TBC1D9: variants seen among roughly 807,000 people sequenced by gnomAD.
TBC1D9 encodes the protein TBC1 domain family member 9.
In TBC1D9, 63 loss-of-function variants were observed where a neutral mutation model predicts 132.0. The ratio of observed to expected loss-of-function variants is 0.48; its 90% CI spans 0.39 to 0.59. The LOEUF is 0.59. Ranked by LOEUF, TBC1D9 falls within the 20% of genes least tolerant of loss-of-function variation. The pLI, the probability that TBC1D9 is intolerant of heterozygous loss-of-function variation, is 0.00. For synonymous variants in TBC1D9, 610 were observed against 609.9 expected (o/e 1.00, Z 0.00); for missense variants, 1,261 against 1,592.7 (o/e 0.79, Z 3.54).
chr4:140,731,557 C>T (rs896933766), intron 1 of TBC1D9, among the ~76,000 whole-genome samples: 3 of 151,992 alleles, frequency 2.0e-5, no homozygotes, highest in African/African-American at 4.8e-5. Flanking sequence ...TCTAGAACCA[C>T]CAAAATGATT....
intron 16 of TBC1D9, among the ~76,000 whole-genome samples, chr4:140,628,961 C>A (rs1736752651): frequency 6.6e-6 from 1 of 152,124 alleles, no homozygotes; most frequent in African/African-American, 2.4e-5. Context: ...CCTCAAAGTC[C>A]ATATTTATTG....
At chr4:140,751,136 C>T (rs573223711) in intron 1 of TBC1D9, among the ~76,000 whole-genome samples, 101 of 152,190 alleles carry the variant, frequency 6.6e-4, no homozygotes, top group Non-Finnish European at 1.3e-3. Flanking sequence ...GATAAAAGTA[C>T]AGTACACAAT....
At chr4:140,657,880 C>T in intron 11 of TBC1D9, 68 bp from the exon 12 acceptor site, 1 of 1,518,630 alleles carries the variant, frequency 6.6e-7, no homozygotes, top group Non-Finnish European at 8.9e-7. Flanking sequence ...AGAATCCATT[C>T]AAACAACTTG....
chr4:140,643,455 T>C, intron 13 of TBC1D9: 3 of 918,766 alleles, frequency 3.3e-6, no homozygotes, highest in Non-Finnish European at 5.3e-6. Context: ...AGAGCTTGCC[T>C]CTTCCAGGTA....
intron 13 of TBC1D9, chr4:140,643,870 T>TGGTTTCCATGGC (rs1737053914): frequency 4.2e-6 from 3 of 722,480 alleles, no homozygotes; most frequent in Non-Finnish European, 7.5e-6. Context: ...GGGGTAGCCA[T>TGGTTTCCATGGC]GGTTTCCATG....
At chr4:140,735,689 T>C (rs1479500012) in intron 1 of TBC1D9, among the ~76,000 whole-genome samples, 3 of 152,198 alleles carry the variant, frequency 2.0e-5, no homozygotes, top group Non-Finnish European at 1.5e-5. Context: ...CCAGCCCAGA[T>C]GACAGAGCAA....
intron 3 of TBC1D9, among the ~76,000 whole-genome samples, chr4:140,683,254 C>T (rs902772745): frequency 5.3e-5 from 8 of 152,138 alleles, no homozygotes; most frequent in African/African-American, 1.7e-4. Flanking sequence ...CTCAGAAACA[C>T]TCTAGGGTCT....
chr4:140,729,378 T>C (rs1042632304), intron 1 of TBC1D9, among the ~76,000 whole-genome samples: 3 of 152,144 alleles, frequency 2.0e-5, no homozygotes, highest in Admixed American at 6.6e-5. Context: ...GAAAATGAGA[T>C]TGCACTCAAA....
intron 15 of TBC1D9, 136 bp from the exon 16 acceptor site, chr4:140,634,324 C>T: frequency 8.1e-7 from 1 of 1,235,010 alleles, no homozygotes; most frequent in East Asian, 2.4e-5. Flanking sequence ...GCCTCAGGGC[C>T]CCCTTGGTCT....
At chr4:140,698,991 C>G (rs994792943) in intron 2 of TBC1D9, among the ~76,000 whole-genome samples, 1 of 152,116 alleles carries the variant, frequency 6.6e-6, no homozygotes, top group Non-Finnish European at 1.5e-5. Context: ...CTAGACTGTA[C>G]GTTTCTCAAG....
intron 1 of TBC1D9, among the ~76,000 whole-genome samples, chr4:140,720,617 T>C (rs1361531042): frequency 1.3e-5 from 2 of 152,212 alleles, no homozygotes; most frequent in Non-Finnish European, 2.9e-5. Context: ...ATGCAGGCTG[T>C]GGCCCGTCAG....
At chr4:140,728,271 A>G (rs1279541128) in intron 1 of TBC1D9, among the ~76,000 whole-genome samples, 1 of 152,162 alleles carries the variant, frequency 6.6e-6, no homozygotes, top group East Asian at 1.9e-4. Context: ...TACTGCAGAC[A>G]TTCTTTTGAT....
intron 1 of TBC1D9, chr4:140,712,125 C>T (rs962947887): frequency 3.9e-5 from 6 of 152,112 alleles, no homozygotes; most frequent in Non-Finnish European, 8.8e-5. Context: ...AATCTTGTTG[C>T]TAGGTTGCAA....
Position 140,659,629 on chromosome 4 carries a change from C to T in TBC1D9, c.1880G>A (p.Cys627Tyr), listed in dbSNP as rs1279325854. 6.2e-7 allele frequency: 1 copy of T among 1,606,094 alleles called. No individual in the cohort carries two copies. Among genetic ancestry groups the T allele is most frequent in the Non-Finnish European group, 8.5e-7 (1 of 1,176,380 alleles). The change falls in exon 11 of 21, where the codon TGT becomes TAT. Residue 627 changes from cysteine to tyrosine, a missense_variant. Cys to Tyr is a radical substitution (Grantham distance 194). Transcript: ENST00000442267. ...GTAGTAATCTGGGAGCATGCGCTCA[C>T]ACAAAGCCACAAGCAGCCAGAAAGC... ...EEAFWLLVAL[C>Y]ERMLPDYYNT...
At chr4:140,710,894 C>G (rs1410648880) in intron 1 of TBC1D9, among the ~76,000 whole-genome samples, 1 of 152,146 alleles carries the variant, frequency 6.6e-6, no homozygotes, top group Non-Finnish European at 1.5e-5. Context: ...AAGGCAGCAG[C>G]AGTAGAATAT....
At chr4:140,704,285 C>A (rs1738116125) in intron 1 of TBC1D9, among the ~76,000 whole-genome samples, 1 of 151,982 alleles carries the variant, frequency 6.6e-6, no homozygotes, top group Non-Finnish European at 1.5e-5. Flanking sequence ...CCTGTAATCC[C>A]AGCTTCTAGG....
intron 13 of TBC1D9, among the ~76,000 whole-genome samples, chr4:140,640,543 T>C (rs1275017579): frequency 1.3e-5 from 2 of 152,048 alleles, no homozygotes; most frequent in Admixed American, 6.6e-5. Context: ...GGAGGCCCCC[T>C]TGGGAGACAT....
In TBC1D9 at chr4:140,670,538, G is replaced by A. The variant is rs1055900394; in HGVS notation, c.1266+182C>T. On this transcript the variant is annotated intron_variant, in intron 7 of 20. Transcript: ENST00000442267. ...AGTGTTATTCCAGGTGATCTATAAG[G>A]TTCCTTCTAAATCTATGACCCCAAA... 1.5e-5 allele frequency: 9 copies of A among 587,948 alleles called. No individual in the cohort carries two copies. The Admixed American group carries it at 2.1e-4, about 14-fold the overall frequency. 36.4% of individuals were successfully genotyped at this position (587,948 alleles called of 1,614,324 possible). A position where few individuals can be genotyped will look rare whatever the true frequency, so the allele number is the denominator to read the frequency against.
rs547492510 is a variant in TBC1D9, at chr4:140,635,993, AC to A, written c.2506-1806del. On this transcript the variant is annotated intron_variant, in intron 15 of 20. Transcript: ENST00000442267. ...GGGAGGGAACCCCTTAACCTGAGCTACATCGGTTGACAAAGGTTACCCAAAG... is the reference window on the plus strand; with the variant it reads ...GGGAGGGAACCCCTTAACCTGAGCTAATCGGTTGACAAAGGTTACCCAAAG... Among the ~76,000 whole-genome samples, 611 of 152,338 alleles carry A rather than the reference AC, an allele frequency of 4.0e-3. 4 individuals carry two copies. Among genetic ancestry groups the A allele is most frequent in the Middle Eastern group, 6.8e-3 (2 of 294 alleles).
Sources: gnomAD v4.1 joint callset for allele counts (sites outside exome capture counted in the v4.1 genomes callset) on GRCh38, gnomAD v4.1.1 for gene constraint, MANE v1.5 for transcripts, NCBI Gene and HGNC (gene_info 2026-07-23, HGNC 2026-07-21) for gene names.